ANKS3: variants seen among roughly 807,000 people sequenced by gnomAD.
ANKS3 encodes the protein ankyrin repeat and SAM domain-containing protein 3.
ANKS3 carries 62 observed loss-of-function variants against 80.7 expected under a neutral mutation model. The observed-to-expected ratio is 0.77, with a 90% CI of 0.63 to 0.95. ANKS3 has a LOEUF of 0.95. Among genes scored for constraint, ANKS3 ranks in the 40% least tolerant of loss-of-function variants. The probability of loss-of-function intolerance (pLI) is 0.00; values close to 1 mark genes in which losing one functional copy is unlikely to be tolerated. For missense variants in ANKS3, 1,150 were observed against 883.6 expected (o/e 1.30, Z -3.82); for synonymous variants, 489 against 355.3 (o/e 1.38, Z -4.23).
intron 6 of ANKS3, among the ~76,000 whole-genome samples, chr16:4,719,670 G>C (rs560974223): frequency 2.0e-5 from 3 of 151,612 alleles, no homozygotes; most frequent in Non-Finnish European, 4.4e-5. Context: ...GTGGTAGTGC[G>C]TGCCTGTAGT....
intron 11 of ANKS3, chr16:4,700,411 C>T (rs1009397511): frequency 2.0e-5 from 4 of 202,406 alleles, no homozygotes; most frequent in East Asian, 1.4e-4. Context: ...TGCGAGACTC[C>T]GTCTCGAACA....
At position 4,698,020 on chromosome 16, in the gene ANKS3, C is replaced by A. The variant is rs1345254170; in HGVS notation, c.1767G>T (p.Gln589His). The change falls in exon 15 of 18, where the codon CAG becomes CAT. Residue 589 changes from glutamine to histidine, a missense_variant. Gln to His is a conservative substitution (Grantham distance 24). Coordinates refer to ENST00000304283, the MANE Select transcript of ANKS3 (RefSeq NM_133450.4). ...AELSSRVRQD[Q>H]PPGAATLGLA... is the part of the protein sequence containing the mutation. ...GGCCCAGAGTGGCTGCACCAGGGGG[C>A]TGGTCCTGCCTCACTCGAGATGACA... 1.2e-6 allele frequency: 2 copies of A among 1,607,978 alleles called. No homozygotes were observed. The highest frequency in any genetic ancestry group is 2.7e-5 in the African/African-American group (2 of 74,840).
chr16:4,718,473 T>C (rs1297586615), intron 6 of ANKS3, among the ~76,000 whole-genome samples: 1 of 152,116 alleles, frequency 6.6e-6, no homozygotes, highest in Non-Finnish European at 1.5e-5. Flanking sequence ...AGAAGGGAAA[T>C]GGGGGACAAG....
chr16:4,697,371 T>G lies in ANKS3; in HGVS notation c.1856A>C (p.Glu619Ala). Residue 619 changes from glutamate (E) to alanine (A), a missense_variant, in exon 16 of 18, where the codon GAG becomes GCG. Physicochemically the swap from Glu to Ala is moderately radical, Grantham distance 107. Transcript: ENST00000304283. ...ACGGTCCTCCAGGGCTCCCGAGAGCTCGGGGAGGCTCATGGCCTGCAGGGA... is the reference window on the plus strand; with the variant it reads ...ACGGTCCTCCAGGGCTCCCGAGAGCGCGGGGAGGCTCATGGCCTGCAGGGA... ...QASLQAMSLP[E>A]LSGALEDRVR... The G allele has an allele frequency of 6.2e-7, 1 of 1,610,290 alleles. No homozygotes were observed. Among genetic ancestry groups the G allele is most frequent in the Non-Finnish European group, 8.5e-7 (1 of 1,178,270 alleles).
In ANKS3 at chr16:4,724,774, T is replaced by C; in HGVS notation, c.549A>G (p.Ile183Met). The change falls in exon 6 of 18, where the codon ATA (isoleucine) becomes ATG (methionine). Residue 183 changes from isoleucine to methionine, a missense_variant. Ile to Met is a conservative substitution (Grantham distance 10). Transcript: ENST00000304283. The part of the protein sequence containing the change: ...LMEAAAAGHE[I>M]IVQYFLNHGV... ...CGTGATTCAGAAAATACTGCACGAT[T>C]ATCTCATGGCCAGCAGCAGCTGCTT... 6.2e-7 allele frequency: 1 copy of C among 1,613,976 alleles called. No homozygotes were observed. Among genetic ancestry groups the C allele is most frequent in the Non-Finnish European group, 8.5e-7 (1 of 1,179,948 alleles).
Position 4,701,514 on chromosome 16 carries a change from GC to G in ANKS3, c.1038del (p.Val348SerfsTer44). The G allele has an allele frequency of 6.2e-7, 1 of 1,611,400 alleles. No homozygotes were observed. Among genetic ancestry groups the G allele is most frequent in the Non-Finnish European group, 8.5e-7 (1 of 1,178,746 alleles). ...TCGCTGCTGCTGCTGCTCTGGACGG[GC>G]CCCAGGTTGGCACAGAAAGCATGTT... is the stretch of plus-strand genomic sequence containing the variant. ...REEHAFCANLGPVQSSSSSEG... is the reference protein window; with the variant it reads ...REEHAFCANLXPVQSSSSSEG... On this transcript the variant is annotated frameshift_variant, in exon 10 of 18. Transcript: ENST00000304283. LOFTEE classifies it high-confidence loss of function.
intron 13 of ANKS3, 27 bp from the exon 14 acceptor site, chr16:4,698,626 G>C (rs755711502): frequency 1.3e-6 from 2 of 1,538,420 alleles, no homozygotes; most frequent in Non-Finnish European, 1.7e-6. Context: ...GGCGCGGGGA[G>C]GCTGGGAGGT....
chr16:4,704,007 G>T (rs968826588), intron 8 of ANKS3, among the ~76,000 whole-genome samples: 1 of 152,214 alleles, frequency 6.6e-6, no homozygotes, highest in Non-Finnish European at 1.5e-5. Flanking sequence ...CCTTTTGGAA[G>T]GAAGAGACTC....
chr16:4,701,482 C>A lies in ANKS3; in HGVS notation c.1071G>T (p.Leu357=), dbSNP rs2079900551. The A allele has an allele frequency of 1.2e-6, 2 of 1,611,824 alleles. No homozygotes were observed. Among genetic ancestry groups the A allele is most frequent in the Non-Finnish European group, 1.7e-6 (2 of 1,178,816 alleles). Residue 357 remains leucine, a synonymous_variant, in exon 10 of 18, where the codon CTG becomes CTT. Coordinates refer to ENST00000304283, the MANE Select transcript of ANKS3 (RefSeq NM_133450.4). ...CGCTGCTGAGCCCCTGGGCTCTGGC[C>A]AGGCCCTCGCTGCTGCTGCTGCTCT... ...PVQSSSSSEG[L]ARAQGLSSEA...
intron 10 of ANKS3, 128 bp downstream of exon 10, chr16:4,701,306 C>T (rs1001476050): frequency 5.8e-5 from 77 of 1,327,084 alleles, no homozygotes; most frequent in African/African-American, 4.3e-4. Context: ...GGACACAGCA[C>T]GTCCCAGTGC....
At chr16:4,698,692 C>T in intron 13 of ANKS3, 93 bp from the exon 14 acceptor site, 3 of 1,527,838 alleles carry the variant, frequency 2.0e-6, no homozygotes, top group South Asian at 1.3e-5. Flanking sequence ...GGGCCCTCTC[C>T]CCACTGCATC....
chr16:4,716,758 A>C lies in ANKS3; in HGVS notation c.574-2572T>G, dbSNP rs145794389. Among the ~76,000 whole-genome samples the C allele has an allele frequency of 5.5e-3, 828 of 151,698 alleles. 3 individuals are homozygous for C. The highest frequency in any genetic ancestry group is 9.3e-3 in the Non-Finnish European group (630 of 67,906). On this transcript the variant is annotated intron_variant, in intron 6 of 17. Transcript: ENST00000304283. The stretch of plus-strand genomic sequence containing the variant: ...GGTGAAACCCCGTCTCTACTAAAAA[A>C]TACAAAAATTAGCCAGGTGTGGTGG...
rs1279682479 is a variant in ANKS3, at chr16:4,697,026, G to C, written c.*2C>G. On this transcript the variant is annotated 3_prime_UTR_variant, in exon 17 of 18. Coordinates refer to ENST00000304283, the MANE Select transcript of ANKS3 (RefSeq NM_133450.4). Reference sequence around the variant, plus strand: ...GCTGGCAGACACTCACCGGCCCGCAGGCTAGGTCTCCCGCCACTTCTTCCC... The same window carrying C: ...GCTGGCAGACACTCACCGGCCCGCACGCTAGGTCTCCCGCCACTTCTTCCC... 6.2e-7 allele frequency: 1 copy of C among 1,612,106 alleles called. No individual in the cohort carries two copies. Among genetic ancestry groups the C allele is most frequent in the Non-Finnish European group, 8.5e-7 (1 of 1,179,476 alleles).
At chr16:4,715,827 G>A (rs1328025239) in intron 6 of ANKS3, among the ~76,000 whole-genome samples, 3 of 149,812 alleles carry the variant, frequency 2.0e-5, no homozygotes, top group Admixed American at 6.7e-5. Context: ...ATAGGATCTT[G>A]CTCTGTTACC....
chr16:4,726,076 C>T (rs2081336052), intron 5 of ANKS3, among the ~76,000 whole-genome samples: 1 of 150,932 alleles, frequency 6.6e-6, no homozygotes, highest in Non-Finnish European at 1.5e-5. Flanking sequence ...CCCGGGTTCA[C>T]ACCATTCTCT....
Position 4,705,619 on chromosome 16 carries a change from C to G in ANKS3, c.710-366G>C, listed in dbSNP as rs552318037. ...AGCTGCGGTTACAGATGCGTGCCAC[C>G]ATGCCCAGTGTTTTTTTTCTTTTCT... is the stretch of plus-strand genomic sequence containing the variant. On this transcript the variant is annotated intron_variant, in intron 7 of 17. Coordinates refer to ENST00000304283, the MANE Select transcript of ANKS3 (RefSeq NM_133450.4). Among the ~76,000 whole-genome samples, 6 of 152,230 alleles carry G rather than the reference C, an allele frequency of 3.9e-5. No homozygotes were observed. In the East Asian group the frequency reaches 1.2e-3, roughly 30 times the overall value.
chr16:4,698,087 G>A (rs758575492), intron 14 of ANKS3, 25 bp from the exon 15 acceptor site: 7 of 1,583,306 alleles, frequency 4.4e-6, no homozygotes, highest in Non-Finnish European at 6.0e-6. Flanking sequence ...AACAAATATT[G>A]GTGAGAGCAG....
rs771299136 is a variant in ANKS3 at position 4,730,163 on chromosome 16, G to A, written c.-2-12C>T. The A allele has an allele frequency of 8.0e-6, 12 of 1,508,088 alleles. No homozygotes were observed. Among genetic ancestry groups the A allele is most frequent in the South Asian group, 3.9e-5 (3 of 76,726 alleles). 93.4% of individuals were successfully genotyped at this position (1,508,088 alleles called of 1,614,324 possible). A position where few individuals can be genotyped will look rare whatever the true frequency, so the allele number is the denominator to read the frequency against. ...GAGCTCGGACATCACTGAGGAGGAA[G>A]GCCCAAGGGTTAGATCTTTCCTGGC... On this transcript the variant is annotated splice_polypyrimidine_tract_variant and intron_variant, in intron 2 of 17. Transcript: ENST00000304283.
chr16:4,702,416 A>C (rs1596358301), intron 8 of ANKS3, among the ~76,000 whole-genome samples, 174 bp from the exon 9 acceptor site: 1 of 152,210 alleles, frequency 6.6e-6, no homozygotes, highest in East Asian at 1.9e-4. Context: ...TCTGAGGGTC[A>C]GTCAGTGGCC....
Sources: allele counts gnomAD v4.1 joint callset (sites outside exome capture counted in the v4.1 genomes callset), GRCh38; gene constraint gnomAD v4.1.1; transcripts MANE v1.5; gene names NCBI Gene and HGNC (gene_info 2026-07-23, HGNC 2026-07-21).